TBXAS1: variants seen among roughly 807,000 people sequenced by gnomAD.
The protein encoded by TBXAS1 is thromboxane A synthase 1, also known as thromboxane-A synthase.
A neutral mutation model predicts 60.7 loss-of-function variants in TBXAS1; 48 were observed. That is an observed-to-expected ratio of 0.79 (90% confidence interval 0.63 to 1.01). TBXAS1 has a LOEUF of 1.01. Ranked by LOEUF, TBXAS1 falls within the 50% of genes least tolerant of loss-of-function variation. The pLI is 0.00. For missense variants in TBXAS1, 685 were observed against 686.3 expected (o/e 1.00, Z 0.02); for synonymous variants, 287 against 269.7 (o/e 1.06, Z -0.63).
rs139444354 is a variant in TBXAS1 at position 139,897,118 on chromosome 7, A to G, written c.237-14107A>G. Among the ~76,000 whole-genome samples the G allele has an allele frequency of 1.4e-4, 21 of 152,316 alleles. No individual in the cohort carries two copies. In the East Asian group the frequency reaches 4.1e-3, roughly 29 times the overall value. On this transcript the variant is annotated intron_variant, in intron 3 of 12. Coordinates refer to ENST00000448866, the MANE Select transcript of TBXAS1 (RefSeq NM_001061.7). ...ACACCATAATGAACACTAGACATCA[A>G]AGATAAGAAGACAAGATGTGTTTCC... is the stretch of plus-strand genomic sequence containing the variant.
At chr7:140,018,104 A>G (rs1815246189) in intron 12 of TBXAS1, among the ~76,000 whole-genome samples, 1 of 152,222 alleles carries the variant, frequency 6.6e-6, no homozygotes, top group Admixed American at 6.5e-5. Flanking sequence ...AGCACGTGTT[A>G]ACCATTGTTA....
At chr7:139,943,607 C>T (rs1302040361) in intron 5 of TBXAS1, among the ~76,000 whole-genome samples, 17 of 152,228 alleles carry the variant, frequency 1.1e-4, no homozygotes, top group Admixed American at 1.1e-3. Context: ...GCCACCTCCT[C>T]ATTGGGGTGA....
At chr7:139,872,434 C>T in intron 2 of TBXAS1, 106 bp downstream of exon 2, 1 of 1,094,528 alleles carries the variant, frequency 9.1e-7, no homozygotes, top group Non-Finnish European at 1.4e-6. Context: ...GCGTGTGGAT[C>T]ACCTGAGGTC....
chr7:139,823,579 C>G (rs1464102345), intron 4 of TBXAS1, among the ~76,000 whole-genome samples: 1 of 152,154 alleles, frequency 6.6e-6, no homozygotes, highest in African/African-American at 2.4e-5. Context: ...TTTCTTCCCT[C>G]TAGCCACTCT....
rs78040315 is a variant in TBXAS1 at position 139,943,298 on chromosome 7, A to G, written c.450+6991A>G. Among the ~76,000 whole-genome samples, 107 of 152,382 alleles carry G rather than the reference A, an allele frequency of 7.0e-4. No individual in the cohort carries two copies. The East Asian group carries it at 0.019, about 28-fold the overall frequency. ...TGACCAGTTGCCCATTTTCTGGAAT[A>G]GCTGGGTATTTATCTAGCAGCGAGA... On this transcript the variant is annotated intron_variant, in intron 5 of 12. Transcript: ENST00000448866.
intron 1 of TBXAS1, among the ~76,000 whole-genome samples, chr7:139,855,001 A>C (rs1217870654): frequency 6.6e-6 from 1 of 152,080 alleles, no homozygotes; most frequent in African/African-American, 2.4e-5. Flanking sequence ...TATTGTTTGA[A>C]TGTTTGTCTC....
In TBXAS1 at chr7:140,001,381, G is replaced by A. The variant is rs149716449; in HGVS notation, c.1135-5710G>A. 3.7e-3 allele frequency among the ~76,000 whole-genome samples: 559 copies of A among 152,256 alleles called. 2 individuals carry two copies. Among genetic ancestry groups the A allele is most frequent in the African/African-American group, 0.012 (501 of 41,572 alleles). ...AGCACCCTCACTAGCTGTTGGTAAC[G>A]TTGGTGCCTGGATGTACTGACAGAG... On this transcript the variant is annotated intron_variant, in intron 9 of 12. Transcript: ENST00000448866.
chr7:139,953,999 T>C (rs193265253), intron 6 of TBXAS1, among the ~76,000 whole-genome samples: 3 of 152,278 alleles, frequency 2.0e-5, no homozygotes, highest in East Asian at 3.9e-4. Context: ...TCTTAAAACA[T>C]TGTGAGTTTT....
Position 139,916,771 on chromosome 7 carries a change from T to C in TBXAS1, c.333+5450T>C, listed in dbSNP as rs117502082. ...GTATGTTGGCTCATTGCAGAGCTAA[T>C]TGGCAAGGAAAGCTCAATTCAGGGC... On this transcript the variant is annotated intron_variant, in intron 4 of 12. Transcript: ENST00000448866. This position sits in a 1 kb window ranked among gnomAD's most constrained non-coding sequence, Gnocchi z 4.2. Among the ~76,000 whole-genome samples the C allele has an allele frequency of 3.7e-4, 57 of 152,350 alleles. No homozygotes were observed. In the East Asian group the frequency reaches 0.01, roughly 27 times the overall value.
At chr7:139,827,349 T>A (rs1386579245), upstream of TBXAS1, among the ~76,000 whole-genome samples, 4 of 152,202 alleles carry the variant, frequency 2.6e-5, no homozygotes, top group African/African-American at 9.6e-5. Context: ...TTTACATGAG[T>A]CCTTATGTGT....
chr7:139,893,544 T>A (rs1414882629), intron 3 of TBXAS1, among the ~76,000 whole-genome samples: 1 of 152,248 alleles, frequency 6.6e-6, no homozygotes. Context: ...CTGTTCTTCA[T>A]GTTTATGATT....
chr7:140,018,597 C>A (rs547639431), intron 12 of TBXAS1, among the ~76,000 whole-genome samples: 15 of 152,322 alleles, frequency 9.8e-5, no homozygotes, highest in Admixed American at 2.6e-4. Flanking sequence ...CAGACCAATT[C>A]CTCAACAGGT....
rs527629972 is a variant in TBXAS1 at position 139,991,957 on chromosome 7, A to G, written c.1135-15134A>G. 7.9e-5 allele frequency among the ~76,000 whole-genome samples: 12 copies of G among 152,294 alleles called. No individual in the cohort carries two copies. The South Asian group carries it at 2.3e-3, about 29-fold the overall frequency. ...ACCCTTCCCATTCCCTGAGAGATGGAGTATGGGTCTCACTTGCAGGGGAGC... is the reference window on the plus strand; with the variant it reads ...ACCCTTCCCATTCCCTGAGAGATGGGGTATGGGTCTCACTTGCAGGGGAGC... On this transcript the variant is annotated intron_variant, in intron 9 of 12. Transcript: ENST00000448866.
chr7:139,888,357 T>G (rs1803278902), intron 3 of TBXAS1, among the ~76,000 whole-genome samples: 1 of 152,228 alleles, frequency 6.6e-6, no homozygotes. Flanking sequence ...CTGAAACTCT[T>G]ACTGACTTCT....
upstream of TBXAS1, among the ~76,000 whole-genome samples, chr7:139,824,298 G>A (rs1183878148): frequency 6.6e-6 from 1 of 152,180 alleles, no homozygotes; most frequent in Non-Finnish European, 1.5e-5. Flanking sequence ...GCACCTCCCC[G>A]CATGGCTCGA....
intron 1 of TBXAS1, among the ~76,000 whole-genome samples, chr7:139,863,700 A>G (rs1163585521): frequency 6.6e-6 from 1 of 152,232 alleles, no homozygotes; most frequent in African/African-American, 2.4e-5. Flanking sequence ...TAACTTAAGA[A>G]GTTAAAAGAA....
intron 11 of TBXAS1, 120 bp downstream of exon 11, chr7:140,015,980 A>G: frequency 1.5e-6 from 2 of 1,367,864 alleles, no homozygotes; most frequent in East Asian, 2.3e-5. Context: ...AATAGTCAAA[A>G]GTTATGGCAA....
Position 140,017,677 on chromosome 7 carries a change from G to T in TBXAS1, c.1371G>T (p.Thr457=), listed in dbSNP as rs150820501. Residue 457 remains threonine, a synonymous_variant, in exon 12 of 13, where the codon ACG becomes ACT. Transcript: ENST00000448866. Reference sequence around the variant, plus strand: ...TGACCACACGGACCTGCAGGTTCACGGCTGAGGCCCGGCAGCAGCACCGGC... The same window carrying T: ...TGACCACACGGACCTGCAGGTTCACTGCTGAGGCCCGGCAGCAGCACCGGC... ...SPETFNPERF[T]AEARQQHRPF... 1 of 1,613,002 alleles carries T rather than the reference G, an allele frequency of 6.2e-7. No homozygotes were observed. The highest frequency in any genetic ancestry group is 8.5e-7 in the Non-Finnish European group (1 of 1,179,738).
At chr7:139,955,885 G>A (rs1015533482) in intron 7 of TBXAS1, among the ~76,000 whole-genome samples, 4 of 152,200 alleles carry the variant, frequency 2.6e-5, no homozygotes, top group Non-Finnish European at 5.9e-5. Flanking sequence ...CGGGGTGTGC[G>A]TTGCCTCACT....
Sources: gnomAD v4.1 joint callset for allele counts (sites outside exome capture counted in the v4.1 genomes callset) on GRCh38, gnomAD v4.1.1 for gene constraint, Gnocchi (gnomAD v3.1) non-coding constraint, MANE v1.5 for transcripts, NCBI Gene and HGNC (gene_info 2026-07-23, HGNC 2026-07-21) for gene names.